BDH1: variants seen among roughly 807,000 people sequenced by gnomAD.
BDH1 encodes the protein D-beta-hydroxybutyrate dehydrogenase, mitochondrial.
BDH1 carries 30 observed loss-of-function variants against 33.1 expected under a neutral mutation model. The observed-to-expected ratio is 0.91, with a 90% CI of 0.68 to 1.23. The LOEUF (loss-of-function observed/expected upper bound fraction) is 1.23, where lower values mean the gene tolerates loss of function less well. Ranked by LOEUF, BDH1 falls within the 50% of genes most tolerant of loss-of-function variation. BDH1 has a pLI of 0.00. For synonymous variants in BDH1, 190 were observed against 183.6 expected, an observed-to-expected ratio of 1.03 and a Z score of -0.28; for missense variants, 443 against 464.4, an observed-to-expected ratio of 0.95 and a Z score of 0.42.
At position 197,515,622 on chromosome 3, in the gene BDH1, C is replaced by T. The variant is rs554473546; in HGVS notation, c.410-1206G>A. 7 of 985,544 alleles carry T rather than the reference C, an allele frequency of 7.1e-6. No individual in the cohort carries two copies. In the South Asian group the frequency reaches 3.3e-4, roughly 46 times the overall value. 61.0% of individuals were successfully genotyped at this position (985,544 alleles called of 1,614,324 possible). Reference sequence around the variant, plus strand: ...AGTTCTATACACATTAGGAGCTCAACAAATGTGTGTTAGATGAATGAGTGT... The same window carrying T: ...AGTTCTATACACATTAGGAGCTCAATAAATGTGTGTTAGATGAATGAGTGT... On this transcript the variant is annotated intron_variant, in intron 6 of 7. Coordinates refer to ENST00000392379, the MANE Select transcript of BDH1 (RefSeq NM_203314.3).
rs559487829 is a variant in BDH1, at chr3:197,525,100, T to A, written c.268-2319A>T. Among the ~76,000 whole-genome samples the A allele has an allele frequency of 5.9e-5, 9 of 152,188 alleles. No homozygotes were observed. In the South Asian group the frequency reaches 1.7e-3, roughly 28 times the overall value. Reference sequence around the variant, plus strand: ...ACAGATGGGCCTGGAGCTCAGGCTGTCATTCCCACAGAGGACTCCACCAAG... The same window carrying A: ...ACAGATGGGCCTGGAGCTCAGGCTGACATTCCCACAGAGGACTCCACCAAG... On this transcript the variant is annotated intron_variant, in intron 5 of 7. Coordinates refer to ENST00000392379, the MANE Select transcript of BDH1 (RefSeq NM_203314.3). The surrounding 1 kb of genome is among the most constrained non-coding windows in gnomAD (Gnocchi z 4.9).
chr3:197,536,871 C>A (rs527514021), intron 3 of BDH1, among the ~76,000 whole-genome samples: 1 of 152,190 alleles, frequency 6.6e-6, no homozygotes, highest in Non-Finnish European at 1.5e-5. Flanking sequence ...CAAACAAAAA[C>A]AAAACAAAAA....
chr3:197,522,894 A>G lies in BDH1; in HGVS notation c.268-113T>C. The stretch of plus-strand genomic sequence containing the variant: ...TCAAGTCCCAGCCAAAGCCTCAGGC[A>G]TACTGGCAACTGCCCATGGGCCTGG... On this transcript the variant is annotated intron_variant, in intron 5 of 7. Transcript: ENST00000392379. This position sits in a 1 kb window ranked among gnomAD's most constrained non-coding sequence, Gnocchi z 4.8. 7.4e-7 allele frequency: 1 copy of G among 1,354,586 alleles called. No homozygotes were observed. Among genetic ancestry groups the G allele is most frequent in the Non-Finnish European group, 1.0e-6 (1 of 994,746 alleles). The allele number at this position is 1,354,586 out of a possible 1,614,324, so 83.9% of individuals were successfully genotyped here. A position where few individuals can be genotyped will look rare whatever the true frequency, so the allele number is the denominator to read the frequency against.
At chr3:197,524,667 G>A (rs1418676596) in intron 5 of BDH1, among the ~76,000 whole-genome samples, 1 of 151,784 alleles carries the variant, frequency 6.6e-6, no homozygotes, top group Admixed American at 6.6e-5. Context: ...ACAGTCTGGA[G>A]ATGGCATGAG....
chr3:197,526,184 T>C lies in BDH1; in HGVS notation c.268-3403A>G, dbSNP rs1714078166. ...AGTCCTGTTCAGTCTCTTAAGCAAA[T>C]AATTCCAGCCCAGCCTGGTTTGAGA... is the stretch of plus-strand genomic sequence containing the variant. On this transcript the variant is annotated intron_variant, in intron 5 of 7. Transcript: ENST00000392379. The surrounding 1 kb of genome is among the most constrained non-coding windows in gnomAD (Gnocchi z 4.7). Among the ~76,000 whole-genome samples the C allele has an allele frequency of 6.6e-6, 1 of 152,182 alleles. No homozygotes were observed. Among genetic ancestry groups the C allele is most frequent in the Admixed American group, 6.5e-5 (1 of 15,280 alleles).
At position 197,510,717 on chromosome 3, in the gene BDH1, G is replaced by A. The variant is rs533653262; in HGVS notation, c.*1178C>T. 5 of 109,880 alleles carry A rather than the reference G, an allele frequency of 4.6e-5. 1 individual carries two copies. Among genetic ancestry groups the A allele is most frequent in the South Asian group, 3.0e-4 (1 of 3,374 alleles). The allele number at this position is 109,880 out of a possible 1,614,324, so 6.8% of individuals were successfully genotyped here. A position where few individuals can be genotyped will look rare whatever the true frequency, so the allele number is the denominator to read the frequency against. On this transcript the variant is annotated 3_prime_UTR_variant, in exon 8 of 8. Coordinates refer to ENST00000392379, the MANE Select transcript of BDH1 (RefSeq NM_203314.3). Reference sequence around the variant, plus strand: ...TGTGTGTGTGTGTGTGTGTGTGTGTGTACATGTGTGTAAGCACCACGTGAG... The same window carrying A: ...TGTGTGTGTGTGTGTGTGTGTGTGTATACATGTGTGTAAGCACCACGTGAG...
intron 6 of BDH1, chr3:197,515,545 T>C (rs1181130134): frequency 1.0e-6 from 1 of 985,534 alleles, no homozygotes; most frequent in Non-Finnish European, 1.2e-6. Context: ...CTGATCCTTC[T>C]CTCTCTTTTA....
At chr3:197,563,241 C>T (rs1252791725) in intron 1 of BDH1, among the ~76,000 whole-genome samples, 1 of 152,224 alleles carries the variant, frequency 6.6e-6, no homozygotes, top group Admixed American at 6.5e-5. Context: ...GCTCACCAGA[C>T]TTTCACTTTG....
At chr3:197,545,104 A>G (rs556923590) in intron 3 of BDH1, among the ~76,000 whole-genome samples, 2 of 152,120 alleles carry the variant, frequency 1.3e-5, no homozygotes, top group South Asian at 4.1e-4. Flanking sequence ...GGGACTTTGA[A>G]TTTAACATAA....
In BDH1 at chr3:197,567,825, G is replaced by T. The variant is rs1717483174; in HGVS notation, c.-44+5356C>A. Among the ~76,000 whole-genome samples, 2 of 152,012 alleles carry T rather than the reference G, an allele frequency of 1.3e-5. 1 individual carries two copies. The highest frequency in any genetic ancestry group is 4.1e-4 in the South Asian group (2 of 4,822). On this transcript the variant is annotated intron_variant, in intron 1 of 6. Transcript: ENST00000358186. Reference sequence around the variant, plus strand: ...AAGTCCTGTAAGTCTTCTAAAAGAGGGACAAATAAATGTCATCAGAGTTCT... The same window carrying T: ...AAGTCCTGTAAGTCTTCTAAAAGAGTGACAAATAAATGTCATCAGAGTTCT...
rs771726588 is a variant in BDH1, at chr3:197,533,498, C to T, written c.147G>A (p.Ala49=). 67 of 1,614,116 alleles carry T rather than the reference C, an allele frequency of 4.2e-5. No individual in the cohort carries two copies. Among genetic ancestry groups the T allele is most frequent in the Admixed American group, 1.2e-4 (7 of 60,010 alleles). The change falls in exon 4 of 8, where the codon GCG becomes GCA. Residue 49 remains alanine, a synonymous_variant. Coordinates refer to ENST00000392379, the MANE Select transcript of BDH1 (RefSeq NM_203314.3). ...CTGGGCTTCCACTCACCGGCTCCGC[C>T]GCACTGGCATAAGTCCGACGGCCAA... ...IPIGRRTYAS[A]AEPVGSKAVL... is the part of the protein sequence containing the mutation.
At chr3:197,563,589 G>A (rs1717336220) in intron 1 of BDH1, among the ~76,000 whole-genome samples, 1 of 152,088 alleles carries the variant, frequency 6.6e-6, no homozygotes, top group Non-Finnish European at 1.5e-5. Flanking sequence ...TGTAATACTT[G>A]TAGACAAACT....
upstream of BDH1, among the ~76,000 whole-genome samples, chr3:197,559,036 CTT>C (rs1335351105): frequency 2.0e-5 from 3 of 148,372 alleles, no homozygotes; most frequent in African/African-American, 7.5e-5. Context: ...GAATCTCACT[CTT>C]GTTACCCAGG....
At chr3:197,570,832 G>T (rs1298451922) in intron 1 of BDH1, among the ~76,000 whole-genome samples, 1 of 152,234 alleles carries the variant, frequency 6.6e-6, no homozygotes, top group African/African-American at 2.4e-5. Flanking sequence ...TCCACACAAA[G>T]TCCCCACTAG....
In BDH1 at chr3:197,570,474, T is replaced by A. The variant is rs576077779; in HGVS notation, c.-44+2707A>T. On this transcript the variant is annotated intron_variant, in intron 1 of 6. Coordinates refer to the BDH1 transcript ENST00000358186. ...CCCTCCCATCACAGGCCTATAGGCCTAGAAGGAGAAAATGTTTGCGTGGCC... is the reference window on the plus strand; with the variant it reads ...CCCTCCCATCACAGGCCTATAGGCCAAGAAGGAGAAAATGTTTGCGTGGCC... 7.9e-4 allele frequency among the ~76,000 whole-genome samples: 121 copies of A among 152,312 alleles called. 1 individual carries two copies. Among genetic ancestry groups the A allele is most frequent in the African/African-American group, 2.6e-3 (109 of 41,570 alleles).
intron 3 of BDH1, among the ~76,000 whole-genome samples, chr3:197,542,540 T>TTTTTTA (rs1715731114): frequency 6.8e-6 from 1 of 147,622 alleles, no homozygotes; most frequent in African/African-American, 2.6e-5. Context: ...TTTTTTTTTT[T>TTTTTTA]GAGACGGAGT....
chr3:197,543,613 G>A (rs1715843203), intron 3 of BDH1, among the ~76,000 whole-genome samples: 1 of 152,226 alleles, frequency 6.6e-6, no homozygotes, highest in Admixed American at 6.5e-5. Flanking sequence ...AGCCACTCCT[G>A]GGAAGGTTTT....
rs1274358383 is a variant in BDH1, at chr3:197,521,350, C to T, written c.409+1290G>A. Among the ~76,000 whole-genome samples the T allele has an allele frequency of 6.6e-6, 1 of 152,232 alleles. No homozygotes were observed. Among genetic ancestry groups the T allele is most frequent in the African/African-American group, 2.4e-5 (1 of 41,454 alleles). On this transcript the variant is annotated intron_variant, in intron 6 of 7. Coordinates refer to ENST00000392379, the MANE Select transcript of BDH1 (RefSeq NM_203314.3). This position sits in a 1 kb window ranked among gnomAD's most constrained non-coding sequence, Gnocchi z 4.9. ...ACAGAGCTCCTCCCACAAGGCCCTC[C>T]ACTGGCTGAACTGGAAGGATATTTT...
At chr3:197,513,453 GGGAGGGCAC>G (rs1712322476) in intron 7 of BDH1, among the ~76,000 whole-genome samples, 10 of 145,962 alleles carry the variant, frequency 6.9e-5, no homozygotes, top group African/African-American at 2.5e-4. Flanking sequence ...GTGTGCCCCC[GGGAGGGCAC>G]TCAGCCCATC....
Sources: gnomAD v4.1 joint callset for allele counts (sites outside exome capture counted in the v4.1 genomes callset) on GRCh38, gnomAD v4.1.1 for gene constraint, Gnocchi (gnomAD v3.1) non-coding constraint, MANE v1.5 for transcripts, NCBI Gene and HGNC (gene_info 2026-07-23, HGNC 2026-07-21) for gene names.